The following WWOX variants were observed in gnomAD, a reference collection of about 807,000 sequenced individuals.
WWOX encodes the protein WW domain-containing oxidoreductase.
A neutral mutation model predicts 46.2 loss-of-function variants in WWOX; 69 were observed. That is an observed-to-expected ratio of 1.49 (90% CI 1.23 to 1.82). WWOX has a LOEUF of 1.82. Ranked by LOEUF, WWOX falls within the 40% of genes most tolerant of loss-of-function variation. The pLI is 0.00. For missense variants in WWOX, 919 were observed against 542.6 expected (o/e 1.69, Z -6.89); for synonymous variants, 359 against 202.6 (o/e 1.77, Z -6.56).
chr16:78,908,265 C>G (rs1247150043), intron 8 of WWOX, among the ~76,000 whole-genome samples: 3 of 152,208 alleles, frequency 2.0e-5, no homozygotes, highest in Middle Eastern at 3.4e-3. Flanking sequence ...TAGGTCCAGG[C>G]ACGGTGGCTC....
At chr16:79,126,410 G>A (rs764038192) in intron 8 of WWOX, among the ~76,000 whole-genome samples, 8 of 152,108 alleles carry the variant, frequency 5.3e-5, no homozygotes, top group Admixed American at 3.9e-4. Flanking sequence ...TGATCATGGG[G>A]GTGGTTTTCC....
intron 8 of WWOX, among the ~76,000 whole-genome samples, chr16:78,441,575 A>G (rs975161815): frequency 3.3e-5 from 5 of 152,212 alleles, no homozygotes; most frequent in East Asian, 3.9e-4. Flanking sequence ...GAATGTAAGG[A>G]GAGAGAGGTG....
At chr16:78,275,858 G>A (rs1387649391) in intron 5 of WWOX, among the ~76,000 whole-genome samples, 1 of 152,178 alleles carries the variant, frequency 6.6e-6, no homozygotes, top group Non-Finnish European at 1.5e-5. Flanking sequence ...TCCCAAAGTG[G>A]GACCTGGAGT....
At chr16:78,618,759 C>G (rs2046093101) in intron 8 of WWOX, among the ~76,000 whole-genome samples, 1 of 151,778 alleles carries the variant, frequency 6.6e-6, no homozygotes, top group African/African-American at 2.4e-5. Flanking sequence ...ACTGTCTTCC[C>G]CACCTGAGAC....
intron 8 of WWOX, among the ~76,000 whole-genome samples, chr16:79,049,576 C>T (rs953479428): frequency 6.6e-6 from 1 of 152,024 alleles, no homozygotes; most frequent in Non-Finnish European, 1.5e-5. Flanking sequence ...AGTAGCTGAC[C>T]CTTGTAATCC....
At chr16:78,361,598 C>T (rs758949896) in intron 5 of WWOX, among the ~76,000 whole-genome samples, 1 of 151,934 alleles carries the variant, frequency 6.6e-6, no homozygotes, top group African/African-American at 2.4e-5. Context: ...ATCCCTTCTC[C>T]CCCATTTCTT....
At chr16:79,100,948 G>T (rs1301457941) in intron 8 of WWOX, among the ~76,000 whole-genome samples, 1 of 151,976 alleles carries the variant, frequency 6.6e-6, no homozygotes, top group Non-Finnish European at 1.5e-5. Context: ...TAGGCGTAAC[G>T]TCTTTGGTAA....
chr16:79,068,826 T>TAAC (rs2048492167), intron 8 of WWOX, among the ~76,000 whole-genome samples: 1 of 92,220 alleles, frequency 1.1e-5, no homozygotes, highest in African/African-American at 5.6e-5. Flanking sequence ...AACCCAATAA[T>TAAC]AATAATAATA....
intron 8 of WWOX, among the ~76,000 whole-genome samples, chr16:78,484,913 G>A (rs922926893): frequency 1.3e-5 from 2 of 152,102 alleles, no homozygotes; most frequent in African/African-American, 4.8e-5. Flanking sequence ...TCTTTCCACT[G>A]GTTTTCCGGG....
At chr16:79,080,653 G>A (rs898011192) in intron 8 of WWOX, among the ~76,000 whole-genome samples, 7 of 152,180 alleles carry the variant, frequency 4.6e-5, no homozygotes, top group Admixed American at 1.3e-4. Flanking sequence ...ATCTGTATCC[G>A]GCATCGGGGT....
At chr16:78,512,367 A>G (rs1380259954) in intron 8 of WWOX, among the ~76,000 whole-genome samples, 1 of 152,246 alleles carries the variant, frequency 6.6e-6, no homozygotes, top group Non-Finnish European at 1.5e-5. Flanking sequence ...ATTTATTTCC[A>G]GAATTCAATT....
intron 8 of WWOX, among the ~76,000 whole-genome samples, chr16:78,799,595 G>A (rs1368934755): frequency 7.1e-6 from 1 of 139,882 alleles, no homozygotes; most frequent in African/African-American, 2.7e-5. Context: ...GAAGCCGAGG[G>A]ACTTGGCCAA....
chr16:78,231,007 C>A (rs1179315688), intron 5 of WWOX, among the ~76,000 whole-genome samples: 3 of 152,242 alleles, frequency 2.0e-5, no homozygotes, highest in Non-Finnish European at 4.4e-5. Context: ...GGTACTGAGT[C>A]ATCCCTGGTG....
chr16:78,901,800 G>T (rs1263737828), intron 8 of WWOX, among the ~76,000 whole-genome samples: 1 of 152,234 alleles, frequency 6.6e-6, no homozygotes, highest in Non-Finnish European at 1.5e-5. Context: ...GGTAGTCAGT[G>T]TTCTAAACAC....
rs1454069643 is a variant in WWOX at position 78,802,942 on chromosome 16, ACAACAAAC to A, written c.1056+370191_1056+370198del. Reference sequence around the variant, plus strand: ...AAAAAAAAAAAAAAAAAAAAAAAAAACAACAAACAGAAAAATGAACGAGTGAGTGGCAA... The same window carrying A: ...AAAAAAAAAAAAAAAAAAAAAAAAAAAGAAAAATGAACGAGTGAGTGGCAA... On this transcript the variant is annotated intron_variant, in intron 8 of 8. Transcript: ENST00000566780. 7.7e-4 allele frequency among the ~76,000 whole-genome samples: 22 copies of A among 28,566 alleles called. 2 individuals carry two copies. The highest frequency in any genetic ancestry group is 1.8e-3 in the South Asian group (1 of 560). The allele number at this position is 28,566 out of a possible 152,430, so 18.7% of individuals were successfully genotyped here.
At chr16:79,189,526 C>A (rs1327845065) in intron 8 of WWOX, among the ~76,000 whole-genome samples, 1 of 151,310 alleles carries the variant, frequency 6.6e-6, no homozygotes, top group Non-Finnish European at 1.5e-5. Context: ...GTCTCAAACT[C>A]CTAGCTTCAA....
intron 8 of WWOX, among the ~76,000 whole-genome samples, chr16:78,790,678 G>C (rs868571625): frequency 6.6e-6 from 1 of 152,104 alleles, no homozygotes; most frequent in Admixed American, 6.5e-5. Flanking sequence ...CAAAGGTTCA[G>C]AGAAAATCAA....
At chr16:78,268,714 A>C (rs2079417187) in intron 5 of WWOX, among the ~76,000 whole-genome samples, 2 of 152,226 alleles carry the variant, frequency 1.3e-5, no homozygotes, top group South Asian at 4.1e-4. Context: ...GCCAGGTAGA[A>C]ATAAGCTAAG....
chr16:78,319,360 C>G (rs930212393), intron 5 of WWOX, among the ~76,000 whole-genome samples: 2 of 152,172 alleles, frequency 1.3e-5, no homozygotes, highest in African/African-American at 2.4e-5. Flanking sequence ...TCATGGCTCA[C>G]TGCGATCCTC....
Sources: gnomAD v4.1 joint callset for allele counts (sites outside exome capture counted in the v4.1 genomes callset) on GRCh38, gnomAD v4.1.1 for gene constraint, MANE v1.5 for transcripts, NCBI Gene and HGNC (gene_info 2026-07-23, HGNC 2026-07-21) for gene names.